Variants in SLC44A5 observed in about 807,000 individuals in gnomAD.
SLC44A5 encodes the protein choline transporter-like protein 5.
Under a neutral mutation model 101.8 loss-of-function variants are expected in SLC44A5, and 57 were observed. That is an observed-to-expected ratio of 0.56 (90% confidence interval 0.45 to 0.70). SLC44A5 has a LOEUF of 0.70. Among genes scored for constraint, SLC44A5 ranks in the 30% least tolerant of loss-of-function variants. The pLI, the probability that SLC44A5 is intolerant of heterozygous loss-of-function variation, is 0.00. For synonymous variants in SLC44A5, 281 were observed against 290.9 expected (o/e 0.97, Z 0.35); for missense variants, 737 against 853.1 (o/e 0.86, Z 1.70).
At chr1:75,398,498 A>T in intron 2 of SLC44A5, 1 of 559,872 alleles carries the variant, frequency 1.8e-6, no homozygotes, top group Non-Finnish European at 2.3e-6. Context: ...TCCTCTTAAC[A>T]ACCATACACT....
chr1:75,451,714 C>A (rs1473552798), intron 2 of SLC44A5, among the ~76,000 whole-genome samples: 1 of 151,922 alleles, frequency 6.6e-6, no homozygotes, highest in Non-Finnish European at 1.5e-5. Flanking sequence ...TAAGTGAAAA[C>A]TATATTGAGA....
intron 2 of SLC44A5, among the ~76,000 whole-genome samples, chr1:75,508,271 TA>T (rs1414075747): frequency 1.3e-5 from 2 of 152,110 alleles, no homozygotes; most frequent in Admixed American, 1.3e-4. Context: ...ACAATAAAAT[TA>T]AGGCAGAAAC....
chr1:75,654,590 A>G, the SLC44A5 span, among the ~76,000 whole-genome samples: 380 of 152,282 alleles, frequency 2.5e-3, 1 homozygote, highest in Non-Finnish European at 3.2e-3. Context: ...TGAAGGGAAT[A>G]TGCCTGTGGA....
intron 4 of SLC44A5, among the ~76,000 whole-genome samples, chr1:75,328,084 A>G (rs1656745239): frequency 6.6e-6 from 1 of 152,240 alleles, no homozygotes; most frequent in Non-Finnish European, 1.5e-5. Context: ...AGAAACTACC[A>G]GCTGCTTTCC....
At chr1:75,281,595 C>T (rs1388528211) in intron 5 of SLC44A5, among the ~76,000 whole-genome samples, 1 of 139,140 alleles carries the variant, frequency 7.2e-6, no homozygotes, top group East Asian at 2.5e-4. Flanking sequence ...ATCACAGGCT[C>T]AGAACCTAAG....
intron 4 of SLC44A5, among the ~76,000 whole-genome samples, chr1:75,317,681 T>A (rs1655800324): frequency 6.6e-6 from 1 of 152,178 alleles, no homozygotes; most frequent in East Asian, 1.9e-4. Flanking sequence ...CTGGGGGCTG[T>A]GAAGTCTGAG....
At chr1:75,584,954 T>C (rs183654570) in intron 1 of SLC44A5, among the ~76,000 whole-genome samples, 14 of 152,318 alleles carry the variant, frequency 9.2e-5, no homozygotes, top group African/African-American at 2.9e-4. Context: ...ATCCTGCAAA[T>C]AACACATAAC....
At chr1:75,587,925 GT>G (rs147436866) in intron 1 of SLC44A5, among the ~76,000 whole-genome samples, 1,666 of 152,048 alleles carry the variant, frequency 0.011, 40 homozygotes, top group African/African-American at 0.038. Flanking sequence ...CTCTCTCTCT[GT>G]TTCCTTGCTG....
intron 2 of SLC44A5, among the ~76,000 whole-genome samples, chr1:75,399,347 T>C (rs1236486614): frequency 6.6e-6 from 1 of 152,070 alleles, no homozygotes; most frequent in East Asian, 1.9e-4. Context: ...TTATATTTAA[T>C]CTAACCTACA....
chr1:75,539,847 T>A (rs975452848), intron 2 of SLC44A5, among the ~76,000 whole-genome samples: 2 of 152,202 alleles, frequency 1.3e-5, no homozygotes, highest in Non-Finnish European at 2.9e-5. Context: ...AAAGGTGTGA[T>A]ATCTCTTCTA....
upstream of SLC44A5, among the ~76,000 whole-genome samples, chr1:75,615,495 G>A (rs538632832): frequency 4.0e-5 from 6 of 150,660 alleles, no homozygotes; most frequent in Admixed American, 6.6e-5. Context: ...GAGAGAGAGA[G>A]AGATTCCGGA....
chr1:75,622,166 C>A, the SLC44A5 span, among the ~76,000 whole-genome samples: 1 of 152,034 alleles, frequency 6.6e-6, no homozygotes, highest in Non-Finnish European at 1.5e-5. Flanking sequence ...TTGAATTGGG[C>A]AGAAAGATAT....
chr1:75,305,982 G>C (rs1316413439), intron 4 of SLC44A5, among the ~76,000 whole-genome samples: 2 of 152,168 alleles, frequency 1.3e-5, no homozygotes, highest in Non-Finnish European at 2.9e-5. Context: ...AATCTGGTTT[G>C]CTGTCTGTTT....
At chr1:75,493,610 C>T (rs748859828) in intron 2 of SLC44A5, among the ~76,000 whole-genome samples, 2 of 151,966 alleles carry the variant, frequency 1.3e-5, no homozygotes, top group Non-Finnish European at 2.9e-5. Flanking sequence ...TCTTCAAAAT[C>T]CTGAGGGGAA....
chr1:75,405,203 A>G (rs1662768664), intron 2 of SLC44A5, among the ~76,000 whole-genome samples: 1 of 152,200 alleles, frequency 6.6e-6, no homozygotes, highest in Non-Finnish European at 1.5e-5. Flanking sequence ...AAGATTCATA[A>G]AGCAAGTTCT....
chr1:75,628,269 C>G, the SLC44A5 span, among the ~76,000 whole-genome samples: 1 of 152,112 alleles, frequency 6.6e-6, no homozygotes, highest in Non-Finnish European at 1.5e-5. Context: ...TCATAGTTCC[C>G]TCTCTGCAAA....
At chr1:75,722,057 T>A in the SLC44A5 span, among the ~76,000 whole-genome samples, 1 of 152,168 alleles carries the variant, frequency 6.6e-6, no homozygotes, top group East Asian at 1.9e-4. Context: ...GACATATAGC[T>A]AAAGTATTCT....
chr1:75,627,069 AAGTCCTAGTCATCCCTTG>A, the SLC44A5 span, among the ~76,000 whole-genome samples: 2 of 152,056 alleles, frequency 1.3e-5, no homozygotes, highest in Non-Finnish European at 2.9e-5. Flanking sequence ...CCATCTTTTA[AAGTCCTAGTCATCCCTTG>A]AGTCATAAAT....
At chr1:75,338,928 C>T (rs1434427988) in intron 4 of SLC44A5, among the ~76,000 whole-genome samples, 1 of 152,148 alleles carries the variant, frequency 6.6e-6, no homozygotes, top group Admixed American at 6.5e-5. Context: ...CATATGTAGA[C>T]ATTTTACCTC....
Sources: allele counts gnomAD v4.1 joint callset (sites outside exome capture counted in the v4.1 genomes callset), GRCh38; gene constraint gnomAD v4.1.1; transcripts MANE v1.5; gene names NCBI Gene and HGNC (gene_info 2026-07-23, HGNC 2026-07-21).